Variants in KALRN observed in about 807,000 individuals in gnomAD.
KALRN encodes kalirin.
KALRN carries 70 observed loss-of-function variants against 353.7 expected under a neutral mutation model. That is an observed-to-expected ratio of 0.20 (90% CI 0.16 to 0.24). The LOEUF (loss-of-function observed/expected upper bound fraction) is 0.24, where lower values mean the gene tolerates loss of function less well. Ranked by LOEUF, KALRN falls within the 10% of genes least tolerant of loss-of-function variation. The pLI is 1.00. For missense variants in KALRN, 2,791 were observed against 3,756.7 expected, an observed-to-expected ratio of 0.74 and a Z score of 6.72; for synonymous variants, 1,391 against 1,434.8, an observed-to-expected ratio of 0.97 and a Z score of 0.69.
Position 124,234,949 on chromosome 3 carries a change from G to T in KALRN, c.263+6G>T, listed in dbSNP as rs1199625536. The T allele has an allele frequency of 2.5e-6, 4 of 1,587,134 alleles. No individual in the cohort carries two copies. In the East Asian group the frequency reaches 9.2e-5, roughly 36 times the overall value. On this transcript the variant is annotated splice_donor_region_variant and intron_variant, in intron 3 of 59. Transcript: ENST00000682506. Reference sequence around the variant, plus strand: ...TATTTGGCCAGCGTGCCAAGGTAAGGGGAAGGGGAATGGCCTGCAGGGGAG... The same window carrying T: ...TATTTGGCCAGCGTGCCAAGGTAAGTGGAAGGGGAATGGCCTGCAGGGGAG...
intron 37 of KALRN, among the ~76,000 whole-genome samples, chr3:124,639,714 T>C (rs2081810137): frequency 6.6e-6 from 1 of 152,190 alleles, no homozygotes; most frequent in Non-Finnish European, 1.5e-5. Context: ...TCTCAATAAA[T>C]GTCTGTTGAA....
intron 6 of KALRN, among the ~76,000 whole-genome samples, chr3:124,299,933 C>T (rs567533831): frequency 6.6e-6 from 1 of 152,260 alleles, no homozygotes; most frequent in Admixed American, 6.5e-5. Flanking sequence ...TCTCCTCCAC[C>T]AGCTCTTTCT....
intron 45 of KALRN, among the ~76,000 whole-genome samples, chr3:124,664,138 AC>A (rs34564418): frequency 0.12 from 18,990 of 152,044 alleles, 1,289 homozygotes; most frequent in African/African-American, 0.17. Context: ...CCTTGGCGTT[AC>A]ATCAGGTCTG....
intron 34 of KALRN, among the ~76,000 whole-genome samples, chr3:124,572,582 T>C (rs189407371): frequency 8.1e-4 from 123 of 152,306 alleles, no homozygotes; most frequent in Admixed American, 2.4e-3. Context: ...TCCACATTTA[T>C]GCAAAAGGAA....
At chr3:124,136,962 A>T (rs1025373121) in intron 1 of KALRN, among the ~76,000 whole-genome samples, 18 of 152,240 alleles carry the variant, frequency 1.2e-4, no homozygotes, top group African/African-American at 2.9e-4. Context: ...GCAGACCCGG[A>T]TGATTAGGGA....
At chr3:124,557,960 A>G (rs2071477558) in intron 33 of KALRN, among the ~76,000 whole-genome samples, 1 of 152,182 alleles carries the variant, frequency 6.6e-6, no homozygotes, top group African/African-American at 2.4e-5. Context: ...TGAAGAGGCA[A>G]GAGTGAATCC....
intron 1 of KALRN, among the ~76,000 whole-genome samples, chr3:124,186,358 G>C (rs1485202286): frequency 6.6e-6 from 1 of 152,120 alleles, no homozygotes; most frequent in Non-Finnish European, 1.5e-5. Context: ...TCCCTTCTCT[G>C]TTCCTCAGCA....
At chr3:124,662,780 C>T (rs1370342266) in intron 45 of KALRN, among the ~76,000 whole-genome samples, 1 of 152,196 alleles carries the variant, frequency 6.6e-6, no homozygotes, top group Non-Finnish European at 1.5e-5. Flanking sequence ...GATTTATTGT[C>T]TCACATTTCT....
At chr3:124,513,886 C>T (rs2066237828) in intron 33 of KALRN, among the ~76,000 whole-genome samples, 1 of 152,140 alleles carries the variant, frequency 6.6e-6, no homozygotes, top group Non-Finnish European at 1.5e-5. Context: ...GCCAGCCTGT[C>T]TTTATCAGTA....
At chr3:124,273,056 G>A (rs926856618) in intron 5 of KALRN, among the ~76,000 whole-genome samples, 1 of 152,234 alleles carries the variant, frequency 6.6e-6, no homozygotes, top group African/African-American at 2.4e-5. Context: ...CTCTATTTTT[G>A]TAAAAGAGGT....
At chr3:124,236,758 C>T (rs75006050) in intron 3 of KALRN, among the ~76,000 whole-genome samples, 1 of 152,050 alleles carries the variant, frequency 6.6e-6, no homozygotes, top group African/African-American at 2.4e-5. Context: ...GGAACAAAAC[C>T]CAAGAGGGGC....
chr3:124,181,505 G>T (rs1579057775), intron 1 of KALRN, among the ~76,000 whole-genome samples: 1 of 152,142 alleles, frequency 6.6e-6, no homozygotes, highest in Non-Finnish European at 1.5e-5. Flanking sequence ...TTTAAAAGTT[G>T]CTGGCTTTGG....
At chr3:124,653,070 G>A (rs1394105723) in intron 38 of KALRN, among the ~76,000 whole-genome samples, 2 of 152,212 alleles carry the variant, frequency 1.3e-5, no homozygotes, top group East Asian at 3.8e-4. Flanking sequence ...AGCTGTTAGA[G>A]TATCTCATAC....
rs753140895 is a variant in KALRN at position 124,442,023 on chromosome 3, G to A, written c.3277G>A (p.Ala1093Thr). Residue 1093 changes from alanine to threonine, a missense_variant, in exon 19 of 60, where the codon GCC (alanine) becomes ACC (threonine). Physicochemically the swap from Ala to Thr is moderately conservative, Grantham distance 58. Coordinates refer to ENST00000682506, the MANE Select transcript of KALRN (RefSeq NM_001388419.1). The part of the protein sequence containing the change: ...HRNNVSMPSV[A>T]SHTRGPEQQV... ...GAACAACGTCAGCATGCCCAGTGTC[G>A]CCAGCCACACTCGGGGACCCGAGCA... 23 of 1,604,710 alleles carry A rather than the reference G, an allele frequency of 1.4e-5. No individual in the cohort carries two copies. The highest frequency in any genetic ancestry group is 1.0e-4 in the Admixed American group (6 of 59,674).
intron 34 of KALRN, among the ~76,000 whole-genome samples, chr3:124,588,243 C>T (rs1013928795): frequency 6.6e-6 from 1 of 152,174 alleles, no homozygotes; most frequent in African/African-American, 2.4e-5. Context: ...ATGTCACACT[C>T]TGTGGGGAGT....
chr3:124,079,001 G>A (rs893406891), intron 1 of KALRN, among the ~76,000 whole-genome samples: 5 of 152,210 alleles, frequency 3.3e-5, no homozygotes, highest in African/African-American at 1.2e-4. Flanking sequence ...CTTTCATGCT[G>A]TCAGGGTGGG....
intron 1 of KALRN, among the ~76,000 whole-genome samples, chr3:124,141,643 A>G (rs745826803): frequency 6.6e-6 from 1 of 152,086 alleles, no homozygotes; most frequent in Non-Finnish European, 1.5e-5. Flanking sequence ...CTTGGTTGCA[A>G]ATTGTCTTTT....
At position 124,257,209 on chromosome 3, in the gene KALRN, T is replaced by C. The variant is rs541374160; in HGVS notation, c.264-7289T>C. On this transcript the variant is annotated intron_variant, in intron 3 of 59. Transcript: ENST00000682506. ...TACCTACTATTTATTAAATGCATATTGTAATATCTGATTTAGACAAAGTGA... is the reference window on the plus strand; with the variant it reads ...TACCTACTATTTATTAAATGCATATCGTAATATCTGATTTAGACAAAGTGA... Among the ~76,000 whole-genome samples the C allele has an allele frequency of 1.1e-4, 16 of 152,348 alleles. No individual in the cohort carries two copies. The East Asian group carries it at 2.9e-3, about 28-fold the overall frequency.
chr3:124,324,406 G>C (rs1428162795), intron 6 of KALRN, among the ~76,000 whole-genome samples: 3 of 152,158 alleles, frequency 2.0e-5, no homozygotes, highest in Non-Finnish European at 4.4e-5. Context: ...TGGTTTTTCT[G>C]TCAGTTCCAT....
Sources: gnomAD v4.1 joint callset for allele counts (sites outside exome capture counted in the v4.1 genomes callset) on GRCh38, gnomAD v4.1.1 for gene constraint, MANE v1.5 for transcripts, NCBI Gene and HGNC (gene_info 2026-07-23, HGNC 2026-07-21) for gene names.